Variants in GNB1L observed in about 807,000 individuals in gnomAD.
The protein encoded by GNB1L is G protein subunit beta 1 like.
In GNB1L, 20 loss-of-function variants were observed where a neutral mutation model predicts 29.1. That is an observed-to-expected ratio of 0.69 (90% CI 0.48 to 1.00). The LOEUF is 1.00. GNB1L is among the 50% of genes least tolerant of loss of function. GNB1L has a pLI of 0.00. For synonymous variants in GNB1L, 193 were observed against 206.5 expected (o/e 0.93, Z 0.56); for missense variants, 421 against 464.9 (o/e 0.91, Z 0.87).
intron 4 of GNB1L, among the ~76,000 whole-genome samples, chr22:19,815,440 G>C (rs1937520592): frequency 6.6e-6 from 1 of 152,254 alleles, no homozygotes; most frequent in African/African-American, 2.4e-5. Flanking sequence ...TGACACTGCA[G>C]GGAGGCCGAG....
chr22:19,806,538 C>T, intron 6 of GNB1L, 121 bp downstream of exon 6: 1 of 645,832 alleles, frequency 1.5e-6, no homozygotes, highest in South Asian at 1.9e-5. Context: ...CACAGGTTCC[C>T]TGCGGCAGGG....
chr22:19,843,383 G>A (rs1235767980), intron 2 of GNB1L, among the ~76,000 whole-genome samples: 2 of 152,262 alleles, frequency 1.3e-5, no homozygotes, highest in African/African-American at 4.8e-5. Context: ...CAGATCCCAG[G>A]AAGAATTCCG....
At chr22:19,805,096 A>G (rs5993833) in intron 6 of GNB1L, among the ~76,000 whole-genome samples, 6,091 of 152,182 alleles carry the variant, frequency 0.04, 386 homozygotes, top group African/African-American at 0.13. Flanking sequence ...GCCTGCTGGC[A>G]CCGAGTTTCA....
intron 2 of GNB1L, chr22:19,847,897 A>C (rs1220923680): frequency 1.7e-5 from 17 of 981,576 alleles, no homozygotes; most frequent in Non-Finnish European, 1.9e-5. Context: ...ATGTACTGGC[A>C]TAAAGAGTGA....
intron 2 of GNB1L, chr22:19,852,382 A>G: frequency 9.2e-7 from 1 of 1,088,510 alleles, no homozygotes; most frequent in Non-Finnish European, 1.3e-6. Flanking sequence ...GCAGACCCGC[A>G]CTGGTCCAGG....
At chr22:19,820,996 G>A (rs537554485) in intron 3 of GNB1L, among the ~76,000 whole-genome samples, 28 of 152,314 alleles carry the variant, frequency 1.8e-4, no homozygotes, top group Admixed American at 5.9e-4. Flanking sequence ...AGTAATGCAC[G>A]CTGGGTGGTC....
intron 7 of GNB1L, among the ~76,000 whole-genome samples, chr22:19,800,793 G>C (rs1009640953): frequency 2.0e-5 from 3 of 152,208 alleles, no homozygotes; most frequent in Non-Finnish European, 4.4e-5. Context: ...CACTGGGGCC[G>C]CTCACAGAAC....
chr22:19,817,640 GTC>G (rs1937540316), intron 4 of GNB1L, among the ~76,000 whole-genome samples: 1 of 152,202 alleles, frequency 6.6e-6, no homozygotes, highest in Non-Finnish European at 1.5e-5. Context: ...AGACAAAATA[GTC>G]TATGCTTTTC....
In GNB1L at chr22:19,788,298, A is replaced by G. The variant is rs958586483; in HGVS notation, c.*411T>C. 8 of 497,340 alleles carry G rather than the reference A, an allele frequency of 1.6e-5. No individual in the cohort carries two copies. Among genetic ancestry groups the G allele is most frequent in the Middle Eastern group, 5.3e-4 (1 of 1,872 alleles). 30.8% of individuals were successfully genotyped at this position (497,340 alleles called of 1,614,324 possible). On this transcript the variant is annotated 3_prime_UTR_variant, in exon 8 of 8. Transcript: ENST00000329517. ...AGGAAACCCACACTCGGGGTGGCCC[A>G]TTCAACAGCAGGTGTGAGGGTGGGG... is the stretch of plus-strand genomic sequence containing the variant.
chr22:19,820,739 C>A lies in GNB1L; in HGVS notation c.129-16G>T. ...ACTCTGAGACCTGTTTCAGACAAGC[C>A]GAGCAGGGTGTCAGGGGGCAGAAGG... On this transcript the variant is annotated splice_polypyrimidine_tract_variant and intron_variant, in intron 3 of 7. Transcript: ENST00000329517. 1 of 1,602,478 alleles carries A rather than the reference C, an allele frequency of 6.2e-7. No individual in the cohort carries two copies. The highest frequency in any genetic ancestry group is 8.5e-7 in the Non-Finnish European group (1 of 1,171,084).
intron 7 of GNB1L, chr22:19,793,072 A>T (rs1315713407): frequency 7.6e-6 from 12 of 1,588,578 alleles, no homozygotes; most frequent in Non-Finnish European, 1.0e-5. Flanking sequence ...AAGGCTAAAG[A>T]ACTTGCCACT....
At chr22:19,835,657 G>C (rs1937753149) in intron 2 of GNB1L, among the ~76,000 whole-genome samples, 1 of 151,876 alleles carries the variant, frequency 6.6e-6, no homozygotes, top group South Asian at 2.1e-4. Flanking sequence ...CTGGGCGACA[G>C]AGCGAGACTC....
At chr22:19,808,362 A>G (rs934374537) in intron 5 of GNB1L, among the ~76,000 whole-genome samples, 9 of 152,200 alleles carry the variant, frequency 5.9e-5, no homozygotes, top group African/African-American at 2.2e-4. Flanking sequence ...AGAGCAACAT[A>G]ATGAAGAGGG....
At chr22:19,809,977 A>G (rs949320020) in intron 5 of GNB1L, among the ~76,000 whole-genome samples, 18 of 152,196 alleles carry the variant, frequency 1.2e-4, no homozygotes, top group African/African-American at 4.3e-4. Flanking sequence ...TGTGTTGCCC[A>G]GGCTGGTCTC....
At chr22:19,793,395 GA>G (rs1937272993) in intron 7 of GNB1L, among the ~76,000 whole-genome samples, 1 of 152,080 alleles carries the variant, frequency 6.6e-6, no homozygotes, top group Non-Finnish European at 1.5e-5. Flanking sequence ...TGCCCAATCT[GA>G]AGAGAGAAAA....
At chr22:19,811,499 C>T (rs1278379078) in intron 5 of GNB1L, among the ~76,000 whole-genome samples, 1 of 152,144 alleles carries the variant, frequency 6.6e-6, no homozygotes, top group Admixed American at 6.5e-5. Flanking sequence ...AAGAGCTGAG[C>T]CTCCAGCCAC....
intron 5 of GNB1L, 33 bp from the exon 6 acceptor site, chr22:19,806,790 T>G: frequency 6.9e-7 from 1 of 1,455,830 alleles, no homozygotes; most frequent in Non-Finnish European, 9.6e-7. Context: ...ATTTGGGCCG[T>G]CGCCAAGTCG....
chr22:19,799,753 C>T (rs557550577), intron 7 of GNB1L, among the ~76,000 whole-genome samples: 1 of 152,204 alleles, frequency 6.6e-6, no homozygotes, highest in African/African-American at 2.4e-5. Context: ...TGAGGACCTT[C>T]GGTCACCTTG....
chr22:19,851,387 G>A (rs1938093422), intron 2 of GNB1L: 2 of 1,613,966 alleles, frequency 1.2e-6, no homozygotes, highest in African/African-American at 1.3e-5. Context: ...TGCCTCCTCT[G>A]GCTGGGAAGA....
Sources: allele counts gnomAD v4.1 joint callset (sites outside exome capture counted in the v4.1 genomes callset), GRCh38; gene constraint gnomAD v4.1.1; transcripts MANE v1.5; gene names NCBI Gene and HGNC (gene_info 2026-07-23, HGNC 2026-07-21).